TMCC3: variants seen among roughly 807,000 people sequenced by gnomAD.
The protein encoded by TMCC3 is transmembrane and coiled-coil domain protein 3.
In TMCC3, 28 loss-of-function variants were observed where a neutral mutation model predicts 40.2. The observed-to-expected ratio is 0.70, with a 90% CI of 0.52 to 0.95. TMCC3 has a LOEUF of 0.95. TMCC3 is among the 40% of genes least tolerant of loss of function. The pLI is 0.00. For synonymous variants in TMCC3, 255 were observed against 248.5 expected (o/e 1.03, Z -0.25); for missense variants, 554 against 615.2 (o/e 0.90, Z 1.05).
chr12:94,620,645 T>C lies in TMCC3; in HGVS notation c.78+29708A>G, dbSNP rs146325002. The stretch of plus-strand genomic sequence containing the variant: ...ACTTAAGCTACTTAATAGAAAAAAA[T>C]GTGAACCTTTATCATTTAGAGCTAC... On this transcript the variant is annotated intron_variant, in intron 1 of 3. Transcript: ENST00000261226. Among the ~76,000 whole-genome samples, 1,204 of 151,960 alleles carry C rather than the reference T, an allele frequency of 7.9e-3. 8 individuals are homozygous for C. Among genetic ancestry groups the C allele is most frequent in the Non-Finnish European group, 0.012 (784 of 67,984 alleles).
chr12:94,594,087 C>T (rs1203182293), intron 1 of TMCC3, among the ~76,000 whole-genome samples: 2 of 152,074 alleles, frequency 1.3e-5, no homozygotes, highest in East Asian at 3.9e-4. Flanking sequence ...CTCTGGGGAC[C>T]CTGTGTACCT....
At chr12:94,628,482 A>G (rs1341161049) in intron 1 of TMCC3, among the ~76,000 whole-genome samples, 2 of 152,182 alleles carry the variant, frequency 1.3e-5, no homozygotes, top group African/African-American at 4.8e-5. Flanking sequence ...CACGGGTTCA[A>G]TTCTCCAAGA....
Position 94,650,509 on chromosome 12 carries a change from T to G in TMCC3, c.-79A>C, listed in dbSNP as rs959272423. 4 of 1,131,236 alleles carry G rather than the reference T, an allele frequency of 3.5e-6. No homozygotes were observed. The highest frequency in any genetic ancestry group is 4.5e-5 in the Admixed American group (1 of 22,108). 70.1% of individuals were successfully genotyped at this position (1,131,236 alleles called of 1,614,324 possible). A position where few individuals can be genotyped will look rare whatever the true frequency, so the allele number is the denominator to read the frequency against. ...CCACCGGCTGTGCTCGGGATCACCCTGGGAGCCGCGGGCGAGGGGGCGGCG... is the reference window on the plus strand; with the variant it reads ...CCACCGGCTGTGCTCGGGATCACCCGGGGAGCCGCGGGCGAGGGGGCGGCG... On this transcript the variant is annotated 5_prime_UTR_variant, in exon 1 of 4. Coordinates refer to ENST00000261226, the MANE Select transcript of TMCC3 (RefSeq NM_020698.4).
chr12:94,650,557 T>C lies in TMCC3; in HGVS notation c.-127A>G. ...GCGCGGCTGCTGCAGCTGTTGCCTC[T>C]GGTGCCAACACCCGCGCGGCCGCCC... On this transcript the variant is annotated 5_prime_UTR_variant, in exon 1 of 4. Transcript: ENST00000261226. 2.7e-6 allele frequency: 2 copies of C among 734,514 alleles called. No individual in the cohort carries two copies. The highest frequency in any genetic ancestry group is 3.6e-6 in the Non-Finnish European group (2 of 550,924). The allele number at this position is 734,514 out of a possible 1,614,324, so 45.5% of individuals were successfully genotyped here.
chr12:94,585,073 C>T (rs986188695), intron 1 of TMCC3, among the ~76,000 whole-genome samples: 1 of 152,018 alleles, frequency 6.6e-6, no homozygotes, highest in African/African-American at 2.4e-5. Context: ...ATCACTGAGG[C>T]TAAAAATTTG....
At chr12:94,624,132 T>C (rs1318281712) in intron 1 of TMCC3, among the ~76,000 whole-genome samples, 3 of 152,240 alleles carry the variant, frequency 2.0e-5, no homozygotes, top group South Asian at 4.1e-4. Context: ...CAGATAATAA[T>C]AAGCACTGGT....
At chr12:94,610,827 T>C (rs1035762882) in intron 1 of TMCC3, among the ~76,000 whole-genome samples, 1 of 152,162 alleles carries the variant, frequency 6.6e-6, no homozygotes, top group Non-Finnish European at 1.5e-5. Flanking sequence ...ATATGTACAA[T>C]TGTATACTCT....
At chr12:94,613,182 G>A (rs932155161) in intron 1 of TMCC3, among the ~76,000 whole-genome samples, 1 of 151,740 alleles carries the variant, frequency 6.6e-6, no homozygotes, top group Non-Finnish European at 1.5e-5. Context: ...AATTAAAATG[G>A]GCCAGGCACA....
chr12:94,617,668 A>G (rs1040105092), intron 1 of TMCC3, among the ~76,000 whole-genome samples: 2 of 152,240 alleles, frequency 1.3e-5, no homozygotes, highest in African/African-American at 2.4e-5. Context: ...CTAAGGCCAG[A>G]CTGTTCTGGG....
intron 1 of TMCC3, among the ~76,000 whole-genome samples, chr12:94,606,546 T>C (rs1183447198): frequency 6.6e-6 from 1 of 151,972 alleles, no homozygotes; most frequent in African/African-American, 2.4e-5. Flanking sequence ...TTTGTATTTT[T>C]AGTAGAGATG....
At chr12:94,634,547 C>G (rs1338746517) in intron 1 of TMCC3, among the ~76,000 whole-genome samples, 2 of 152,144 alleles carry the variant, frequency 1.3e-5, no homozygotes, top group Non-Finnish European at 2.9e-5. Flanking sequence ...CTGAGTACTT[C>G]AAAAACTTTC....
chr12:94,594,110 A>C (rs2068700241), intron 1 of TMCC3, among the ~76,000 whole-genome samples: 1 of 152,032 alleles, frequency 6.6e-6, no homozygotes, highest in Admixed American at 6.6e-5. Context: ...AAAACGAGCA[A>C]GTTTGGGAAA....
At chr12:94,605,082 G>A (rs1003974598) in intron 1 of TMCC3, among the ~76,000 whole-genome samples, 2 of 152,148 alleles carry the variant, frequency 1.3e-5, no homozygotes, top group African/African-American at 4.8e-5. Context: ...AAAAAGAGGT[G>A]CATGGCAAGC....
At chr12:94,635,429 C>A (rs2068954750) in intron 1 of TMCC3, among the ~76,000 whole-genome samples, 1 of 152,078 alleles carries the variant, frequency 6.6e-6, no homozygotes, top group Non-Finnish European at 1.5e-5. Flanking sequence ...GTTTGGGAAG[C>A]AACAATACAC....
chr12:94,647,765 A>G (rs888913296), intron 1 of TMCC3, among the ~76,000 whole-genome samples: 1 of 152,224 alleles, frequency 6.6e-6, no homozygotes, highest in African/African-American at 2.4e-5. Flanking sequence ...TACAGGAGCT[A>G]CGATCATTTA....
intron 1 of TMCC3, among the ~76,000 whole-genome samples, chr12:94,612,726 C>T (rs73375873): frequency 0.093 from 14,217 of 152,254 alleles, 799 homozygotes; most frequent in African/African-American, 0.16. Flanking sequence ...CAAAGCAAGA[C>T]AGAATTACTT....
intron 1 of TMCC3, among the ~76,000 whole-genome samples, chr12:94,646,943 C>T (rs1031337618): frequency 2.0e-5 from 3 of 152,062 alleles, no homozygotes; most frequent in African/African-American, 7.2e-5. Context: ...CTGTCCACCA[C>T]TATACTCAAG....
intron 1 of TMCC3, among the ~76,000 whole-genome samples, chr12:94,608,727 C>G (rs761994634): frequency 2.6e-5 from 4 of 152,178 alleles, no homozygotes; most frequent in Non-Finnish European, 4.4e-5. Flanking sequence ...CAGGTGAACT[C>G]TGTCCAGCTC....
intron 1 of TMCC3, among the ~76,000 whole-genome samples, chr12:94,628,234 G>A (rs895398241): frequency 1.3e-5 from 2 of 152,156 alleles, no homozygotes; most frequent in Non-Finnish European, 2.9e-5. Flanking sequence ...CAACCTCAAG[G>A]TGTGGTCCTG....
Sources: gnomAD v4.1 joint callset for allele counts (sites outside exome capture counted in the v4.1 genomes callset) on GRCh38, gnomAD v4.1.1 for gene constraint, MANE v1.5 for transcripts, NCBI Gene and HGNC (gene_info 2026-07-23, HGNC 2026-07-21) for gene names.